Variants in RAB3IP observed in about 807,000 individuals in gnomAD.
RAB3IP encodes rab-3A-interacting protein.
RAB3IP carries 36 observed loss-of-function variants against 59.1 expected under a neutral mutation model. The ratio of observed to expected loss-of-function variants is 0.61; its 90% CI spans 0.47 to 0.80. The LOEUF (loss-of-function observed/expected upper bound fraction) is 0.80. Among genes scored for constraint, RAB3IP ranks in the 30% least tolerant of loss-of-function variants. The pLI is 0.00. For missense variants in RAB3IP, 511 were observed against 536.0 expected (o/e 0.95, Z 0.46); for synonymous variants, 207 against 191.2 (o/e 1.08, Z -0.68).
chr12:69,800,139 G>C, intron 6 of RAB3IP, 70 bp from the exon 7 acceptor site: 1 of 1,218,708 alleles, frequency 8.2e-7, no homozygotes, highest in Non-Finnish European at 1.1e-6. Flanking sequence ...AATTAGTTTT[G>C]GTTTTGTAAA....
intron 3 of RAB3IP, among the ~76,000 whole-genome samples, chr12:69,779,729 A>G (rs1874333973): frequency 6.7e-6 from 1 of 148,866 alleles, no homozygotes; most frequent in Admixed American, 6.7e-5. Flanking sequence ...TTTCTGATAA[A>G]TTTCTGAATT....
intron 3 of RAB3IP, among the ~76,000 whole-genome samples, 192 bp downstream of exon 3, chr12:69,756,855 A>G (rs1020936053): frequency 2.0e-5 from 3 of 152,190 alleles, no homozygotes; most frequent in African/African-American, 7.2e-5. Flanking sequence ...AGTTCCTCTA[A>G]GACTACTAAC....
intron 3 of RAB3IP, 117 bp downstream of exon 3, chr12:69,756,780 A>G (rs1305709490): frequency 1.6e-5 from 13 of 833,310 alleles, no homozygotes; most frequent in Non-Finnish European, 2.2e-5. Flanking sequence ...TCCGTCACAT[A>G]TGCCCAGCCT....
chr12:69,800,875 G>A (rs908474048), intron 7 of RAB3IP, among the ~76,000 whole-genome samples: 1 of 152,294 alleles, frequency 6.6e-6, no homozygotes. Context: ...TGAAAGGTTT[G>A]TCTACAAATA....
chr12:69,819,359 CAG>C lies in RAB3IP; in HGVS notation c.*3917_*3918del, dbSNP rs10578304. The stretch of plus-strand genomic sequence containing the variant: ...GGGGAAAGTTTGGGTATGTGCATAA[CAG>C]AGACAGAAATTCAGTGTTTGACAGA... On this transcript the variant is annotated 3_prime_UTR_variant, in exon 11 of 11. Coordinates refer to ENST00000247833, the MANE Select transcript of RAB3IP (RefSeq NM_022456.5). The C allele has an allele frequency of 0.21, 32,082 of 152,120 alleles. 4,100 individuals are homozygous for C. The highest frequency in any genetic ancestry group is 0.35 in the Middle Eastern group (102 of 294). 9.4% of individuals were successfully genotyped at this position (152,120 alleles called of 1,614,324 possible).
chr12:69,772,348 T>C (rs1014771226), intron 3 of RAB3IP, among the ~76,000 whole-genome samples: 2 of 152,162 alleles, frequency 1.3e-5, no homozygotes, highest in Admixed American at 6.6e-5. Context: ...TGGGTCTTGT[T>C]TTTTAAATTC....
chr12:69,742,186 C>T (rs1887413189), intron 1 of RAB3IP, among the ~76,000 whole-genome samples: 1 of 152,164 alleles, frequency 6.6e-6, no homozygotes, highest in Non-Finnish European at 1.5e-5. Context: ...GATATTTGTG[C>T]ATTGAGGTAA....
chr12:69,765,694 A>G (rs1323141493), intron 3 of RAB3IP, among the ~76,000 whole-genome samples: 1 of 152,224 alleles, frequency 6.6e-6, no homozygotes, highest in African/African-American at 2.4e-5. Flanking sequence ...CAGGCTGCCG[A>G]ACGAAGCATG....
chr12:69,818,166 A>C lies in RAB3IP; in HGVS notation c.*2720A>C, dbSNP rs1014756784. On this transcript the variant is annotated 3_prime_UTR_variant, in exon 11 of 11. Transcript: ENST00000247833. Reference sequence around the variant, plus strand: ...ACTGTGAAAAACCATTCACTAGAAAAGTTGGGCCAGGCCCAGTGGCTCATG... The same window carrying C: ...ACTGTGAAAAACCATTCACTAGAAACGTTGGGCCAGGCCCAGTGGCTCATG... 3 of 152,234 alleles carry C rather than the reference A, an allele frequency of 2.0e-5. No individual in the cohort carries two copies. The highest frequency in any genetic ancestry group is 2.9e-5 in the Non-Finnish European group (2 of 68,078). 9.4% of individuals were successfully genotyped at this position (152,234 alleles called of 1,614,324 possible). A position where few individuals can be genotyped will look rare whatever the true frequency, so the allele number is the denominator to read the frequency against.
At chr12:69,780,689 G>T (rs904213624) in intron 3 of RAB3IP, among the ~76,000 whole-genome samples, 3 of 152,226 alleles carry the variant, frequency 2.0e-5, no homozygotes, top group African/African-American at 7.2e-5. Flanking sequence ...CCCATGGCTG[G>T]GTAGCAGAAG....
At chr12:69,769,810 A>G (rs1466312496) in intron 3 of RAB3IP, among the ~76,000 whole-genome samples, 1 of 152,128 alleles carries the variant, frequency 6.6e-6, no homozygotes, top group Non-Finnish European at 1.5e-5. Flanking sequence ...TGAGTTGTAC[A>G]TTTTTTTCAA....
chr12:69,772,074 C>T (rs896321966), intron 3 of RAB3IP, among the ~76,000 whole-genome samples: 1 of 152,068 alleles, frequency 6.6e-6, no homozygotes, highest in Non-Finnish European at 1.5e-5. Flanking sequence ...ACAGTCTATC[C>T]TTTTATGTCT....
chr12:69,766,893 C>A (rs1368660890), intron 3 of RAB3IP, among the ~76,000 whole-genome samples: 1 of 152,184 alleles, frequency 6.6e-6, no homozygotes, highest in African/African-American at 2.4e-5. Context: ...TTAGAAGTTT[C>A]TTCTATGTTG....
intron 4 of RAB3IP, among the ~76,000 whole-genome samples, chr12:69,789,473 C>G (rs1876259297): frequency 6.6e-6 from 1 of 151,918 alleles, no homozygotes; most frequent in African/African-American, 2.4e-5. Flanking sequence ...ACAAAAAAGC[C>G]CAAGATTAGA....
intron 4 of RAB3IP, among the ~76,000 whole-genome samples, chr12:69,788,950 T>C (rs1876172392): frequency 6.6e-6 from 1 of 152,056 alleles, no homozygotes; most frequent in South Asian, 2.1e-4. Flanking sequence ...TTGAACAACC[T>C]TTGAGTCAAA....
In RAB3IP at chr12:69,801,312, A is replaced by G. The variant is rs76219994; in HGVS notation, c.1018-297A>G. Among the ~76,000 whole-genome samples, 492 of 152,340 alleles carry G rather than the reference A, an allele frequency of 3.2e-3. 5 individuals carry two copies. The highest frequency in any genetic ancestry group is 0.011 in the African/African-American group (442 of 41,584). ...TTTAGGATATTCATTTTGAAGTGGC[A>G]TTAACTGTGGATATTAATCGTGGGT... On this transcript the variant is annotated intron_variant, in intron 7 of 10. Transcript: ENST00000247833.
chr12:69,787,518 A>G (rs1452097931), intron 4 of RAB3IP, among the ~76,000 whole-genome samples: 1 of 152,212 alleles, frequency 6.6e-6, no homozygotes, highest in African/African-American at 2.4e-5. Context: ...GCAGGCACTC[A>G]TATTCATGAT....
chr12:69,786,777 GGGCC>G (rs1875724437), intron 4 of RAB3IP, among the ~76,000 whole-genome samples: 2 of 139,610 alleles, frequency 1.4e-5, no homozygotes, highest in African/African-American at 5.3e-5. Flanking sequence ...AGGATGTGAA[GGGCC>G]AGAAATGCAG....
At chr12:69,805,912 A>G (rs1334633814) in intron 8 of RAB3IP, among the ~76,000 whole-genome samples, 1 of 152,154 alleles carries the variant, frequency 6.6e-6, no homozygotes, top group Non-Finnish European at 1.5e-5. Flanking sequence ...TATTTTATTG[A>G]GGATTTTTGC....
Sources: gnomAD v4.1 joint callset for allele counts (sites outside exome capture counted in the v4.1 genomes callset) on GRCh38, gnomAD v4.1.1 for gene constraint, MANE v1.5 for transcripts, NCBI Gene and HGNC (gene_info 2026-07-23, HGNC 2026-07-21) for gene names.